Variants in TEKTIP1 observed in about 807,000 individuals in gnomAD.
TEKTIP1 encodes the protein tektin bundle interacting protein 1.
the TEKTIP1 span, chr19:3,543,097 C>A: frequency 6.4e-7 from 1 of 1,551,226 alleles, no homozygotes. Context: ...GGCTGAAGGA[C>A]AGACTCCAAG....
At chr19:3,542,440 A>T in the TEKTIP1 span, 1 of 985,418 alleles carries the variant, frequency 1.0e-6, no homozygotes, top group Non-Finnish European at 1.2e-6. Flanking sequence ...CATATTCCCA[A>T]GAGCAAGGTC....
chr19:3,543,111 CGAGG>C, the TEKTIP1 span: 3 of 1,525,800 alleles, frequency 2.0e-6, no homozygotes, highest in Non-Finnish European at 2.6e-6. Context: ...CTCCAAGTGG[CGAGG>C]GAGGGAGACC....
the TEKTIP1 span, chr19:3,543,580 C>A: frequency 1.3e-6 from 2 of 1,542,860 alleles, no homozygotes; most frequent in Non-Finnish European, 1.7e-6. Flanking sequence ...TGCGGGAGAC[C>A]GCCTGGCATG....
the TEKTIP1 span, chr19:3,542,083 T>A: frequency 1.0e-6 from 1 of 979,600 alleles, no homozygotes; most frequent in South Asian, 4.7e-5. Flanking sequence ...GTGCTGGGAT[T>A]ACAGGCATGA....
the TEKTIP1 span, among the ~76,000 whole-genome samples, chr19:3,541,118 G>A: frequency 1.4e-5 from 2 of 144,144 alleles, no homozygotes; most frequent in African/African-American, 2.6e-5. Context: ...GCAGTGAGCC[G>A]AGATCAGGCC....
chr19:3,541,061 C>A, the TEKTIP1 span, among the ~76,000 whole-genome samples: 1 of 140,000 alleles, frequency 7.1e-6, no homozygotes, highest in East Asian at 2.2e-4. Flanking sequence ...CCCAGCTACT[C>A]GGGAGGCTGA....
the TEKTIP1 span, among the ~76,000 whole-genome samples, chr19:3,540,995 C>G: frequency 2.0e-5 from 3 of 151,288 alleles, no homozygotes; most frequent in African/African-American, 7.3e-5. Flanking sequence ...GTAGTGAAAC[C>G]CCATCTGTAC....
the TEKTIP1 span, among the ~76,000 whole-genome samples, chr19:3,540,958 CAGG>C: frequency 2.6e-5 from 4 of 151,364 alleles, no homozygotes; most frequent in African/African-American, 9.7e-5. Context: ...ATCACGAGGT[CAGG>C]AGATCAAGAC....
the TEKTIP1 span, chr19:3,541,973 C>T: frequency 2.5e-6 from 1 of 402,168 alleles, no homozygotes. Context: ...CCACACCTGA[C>T]TAATTTTTGT....
the TEKTIP1 span, chr19:3,543,561 C>G: frequency 2.6e-6 from 4 of 1,538,522 alleles, no homozygotes; most frequent in Non-Finnish European, 3.5e-6. Flanking sequence ...GCAGCCTACA[C>G]CCAGCACCTG....
the TEKTIP1 span, chr19:3,543,395 G>GCCCCGGC: frequency 5.8e-6 from 9 of 1,548,510 alleles, no homozygotes; most frequent in Non-Finnish European, 7.8e-6. Context: ...CCTGCCACGG[G>GCCCCGGC]CCCCGGCCAG....
At chr19:3,542,293 CTA>C in the TEKTIP1 span, 11 of 985,348 alleles carry the variant, frequency 1.1e-5, no homozygotes, top group Non-Finnish European at 1.2e-5. Context: ...ACCTGGGAGT[CTA>C]GTCAGGATTT....
At chr19:3,541,778 A>G in the TEKTIP1 span, 1 of 985,256 alleles carries the variant, frequency 1.0e-6, no homozygotes. Flanking sequence ...AGCAGGGGTG[A>G]GGGGCTCATT....
At chr19:3,541,207 G>A in the TEKTIP1 span, among the ~76,000 whole-genome samples, 7 of 149,522 alleles carry the variant, frequency 4.7e-5, no homozygotes, top group South Asian at 2.1e-4. Context: ...ATGGCGGCAC[G>A]TGCCTGTAAT....
At chr19:3,540,385 G>C in the TEKTIP1 span, among the ~76,000 whole-genome samples, 1 of 151,668 alleles carries the variant, frequency 6.6e-6, no homozygotes, top group Non-Finnish European at 1.5e-5. Flanking sequence ...AGCCTCCCAA[G>C]TAGCTGGGAT....
chr19:3,543,027 G>A, the TEKTIP1 span: 3 of 1,606,456 alleles, frequency 1.9e-6, no homozygotes, highest in African/African-American at 1.3e-5. Flanking sequence ...GGTGCGATGT[G>A]TGGGGAGAGG....
the TEKTIP1 span, chr19:3,539,564 G>A: frequency 5.2e-6 from 2 of 387,044 alleles, no homozygotes; most frequent in African/African-American, 2.0e-5. Flanking sequence ...GGCCTGTGCG[G>A]GGCTGGGCCC....
chr19:3,542,920 A>C, the TEKTIP1 span: 10 of 1,440,556 alleles, frequency 6.9e-6, no homozygotes, highest in Non-Finnish European at 9.3e-6. Flanking sequence ...GACTGTAGGA[A>C]TCCAGGAGTA....
chr19:3,543,845 G>A, the TEKTIP1 span: 2 of 1,541,758 alleles, frequency 1.3e-6, no homozygotes, highest in Non-Finnish European at 1.8e-6. Context: ...ACAGGAACCG[G>A]TACGGGGTGG....
Sources: gnomAD v4.1 joint callset for allele counts (sites outside exome capture counted in the v4.1 genomes callset) on GRCh38, gnomAD v4.1.1 for gene constraint, MANE v1.5 for transcripts, NCBI Gene and HGNC (gene_info 2026-07-23, HGNC 2026-07-21) for gene names.